Variants in XPR1 observed in about 807,000 individuals in gnomAD.
The protein encoded by XPR1 is xenotropic and polytropic retrovirus receptor 1, also known as solute carrier family 53 member 1.
Under a neutral mutation model 87.5 loss-of-function variants are expected in XPR1, and 28 were observed. The ratio of observed to expected loss-of-function variants is 0.32; its 90% CI spans 0.24 to 0.44. The LOEUF (loss-of-function observed/expected upper bound fraction) is 0.44, where lower values mean the gene tolerates loss of function less well. Among genes scored for constraint, XPR1 ranks in the 20% least tolerant of loss-of-function variants. The probability of loss-of-function intolerance (pLI) is 1.00; values close to 1 mark genes in which losing one functional copy is unlikely to be tolerated. For missense variants in XPR1, 559 were observed against 862.3 expected (o/e 0.65, Z 4.41); for synonymous variants, 300 against 306.1 (o/e 0.98, Z 0.21).
At chr1:180,878,889 A>G (rs1478747474) in intron 13 of XPR1, among the ~76,000 whole-genome samples, 2 of 152,178 alleles carry the variant, frequency 1.3e-5, no homozygotes, top group Non-Finnish European at 2.9e-5. Context: ...TCCAGGATTT[A>G]ATCTTCTGCC....
rs1653108777 is a variant in XPR1, at chr1:180,889,224, C to T, written c.*5158C>T. 2 of 152,208 alleles carry T rather than the reference C, an allele frequency of 1.3e-5. No individual in the cohort carries two copies. Among genetic ancestry groups the T allele is most frequent in the Non-Finnish European group, 1.5e-5 (1 of 68,032 alleles). 9.4% of individuals were successfully genotyped at this position (152,208 alleles called of 1,614,324 possible). On this transcript the variant is annotated 3_prime_UTR_variant, in exon 15 of 15. Transcript: ENST00000367590. ...TTTATCGTCAAATCAAAGCCACCCT[C>T]AGTTTTTTGTATGGTGCCATCAACC...
intron 1 of XPR1, among the ~76,000 whole-genome samples, chr1:180,661,295 G>T (rs369488881): frequency 1.3e-5 from 2 of 151,664 alleles, no homozygotes; most frequent in South Asian, 4.2e-4. Context: ...AAAAAACAGG[G>T]TCTTGTTTTT....
chr1:180,757,003 C>T (rs529353251), intron 2 of XPR1, among the ~76,000 whole-genome samples: 154 of 152,220 alleles, frequency 1.0e-3, no homozygotes, highest in African/African-American at 3.5e-3. Flanking sequence ...AATTCTTTTT[C>T]GTTGACCTAT....
intron 1 of XPR1, among the ~76,000 whole-genome samples, chr1:180,649,355 C>A (rs1327101552): frequency 6.6e-6 from 1 of 152,082 alleles, no homozygotes; most frequent in Non-Finnish European, 1.5e-5. Context: ...TGGCGTGAAC[C>A]CGGAGGCGGA....
At chr1:180,753,423 G>C (rs1432578139) in intron 2 of XPR1, among the ~76,000 whole-genome samples, 4 of 152,024 alleles carry the variant, frequency 2.6e-5, no homozygotes, top group Non-Finnish European at 4.4e-5. Context: ...GGGCATGGTG[G>C]TGCGCCTGTA....
chr1:180,704,411 C>T (rs981316171), intron 2 of XPR1, among the ~76,000 whole-genome samples: 7 of 151,050 alleles, frequency 4.6e-5, no homozygotes, highest in African/African-American at 7.3e-5. Context: ...TAAAGGGAAA[C>T]TTCCCTTTGT....
At chr1:180,671,690 T>A (rs552730276) in intron 1 of XPR1, among the ~76,000 whole-genome samples, 40 of 152,246 alleles carry the variant, frequency 2.6e-4, no homozygotes, top group African/African-American at 7.9e-4. Context: ...AATTTCTGTA[T>A]TTTTAGTAGA....
rs138215356 is a variant in XPR1, at chr1:180,846,018, G to A, written c.1501+9302G>A. Among the ~76,000 whole-genome samples, 166 of 152,286 alleles carry A rather than the reference G, an allele frequency of 1.1e-3. 3 individuals carry two copies. The East Asian group carries it at 0.03, about 27-fold the overall frequency. On this transcript the variant is annotated intron_variant, in intron 11 of 14. Coordinates refer to ENST00000367590, the MANE Select transcript of XPR1 (RefSeq NM_004736.4). ...CTCACGCCTGTAATCCTAGCACTTT[G>A]GGAGGCCAAGGCAGGCAGATTACCT...
At position 180,824,696 on chromosome 1, in the gene XPR1, T is replaced by C. The variant is rs927913506; in HGVS notation, c.764-57T>C. The C allele has an allele frequency of 9.1e-6, 13 of 1,424,148 alleles. No individual in the cohort carries two copies. In the African/African-American group the frequency reaches 1.7e-4, roughly 19 times the overall value. The allele number at this position is 1,424,148 out of a possible 1,614,324, so 88.2% of individuals were successfully genotyped here. A position where few individuals can be genotyped will look rare whatever the true frequency, so the allele number is the denominator to read the frequency against. ...CATTGAGAATGAAGACAAAAGATTA[T>C]TAATTCAAGGGAAGTTATGAATTTT... On this transcript the variant is annotated intron_variant, in intron 7 of 14. Coordinates refer to ENST00000367590, the MANE Select transcript of XPR1 (RefSeq NM_004736.4).
intron 3 of XPR1, among the ~76,000 whole-genome samples, chr1:180,797,969 A>G (rs146620282): frequency 1.4e-3 from 210 of 152,332 alleles, no homozygotes; most frequent in African/African-American, 4.3e-3. Context: ...AAACACATTT[A>G]CAATAGAAAT....
intron 2 of XPR1, among the ~76,000 whole-genome samples, chr1:180,726,048 G>T (rs1658326644): frequency 6.6e-6 from 1 of 152,208 alleles, no homozygotes. Context: ...GTTGAGTGGG[G>T]ACTTGGAGAA....
At chr1:180,704,278 T>TATCCAGC (rs1657474888) in intron 2 of XPR1, among the ~76,000 whole-genome samples, 7 of 31,900 alleles carry the variant, frequency 2.2e-4, no homozygotes, top group African/African-American at 6.4e-4. Context: ...ATATATATAT[T>TATCCAGC]ATCAGATTAT....
At chr1:180,839,169 T>C (rs1226617927) in intron 11 of XPR1, among the ~76,000 whole-genome samples, 1 of 152,194 alleles carries the variant, frequency 6.6e-6, no homozygotes, top group Non-Finnish European at 1.5e-5. Context: ...TTCTGAGTTA[T>C]TTGTTCAAAA....
chr1:180,669,620 C>G (rs2101929017), intron 1 of XPR1, among the ~76,000 whole-genome samples: 1 of 152,168 alleles, frequency 6.6e-6, no homozygotes, highest in South Asian at 2.1e-4. Flanking sequence ...GCTTGGCCTC[C>G]CAAAGTGCTG....
At chr1:180,819,793 G>A (rs1650547829) in intron 7 of XPR1, among the ~76,000 whole-genome samples, 1 of 152,096 alleles carries the variant, frequency 6.6e-6, no homozygotes, top group Admixed American at 6.6e-5. Context: ...CAAGGCGGGT[G>A]GATTGCCTGA....
chr1:180,833,462 A>C (rs1651150099), intron 9 of XPR1, among the ~76,000 whole-genome samples: 1 of 152,106 alleles, frequency 6.6e-6, no homozygotes, highest in East Asian at 1.9e-4. Flanking sequence ...ACATAGGCTC[A>C]AAATAAAGGG....
chr1:180,826,414 G>A (rs563325997), intron 9 of XPR1, among the ~76,000 whole-genome samples: 1 of 152,164 alleles, frequency 6.6e-6, no homozygotes, highest in East Asian at 1.9e-4. Flanking sequence ...TGGGTGTGAT[G>A]GTGCACACCT....
chr1:180,835,049 G>C lies in XPR1; in HGVS notation c.1306+4G>C. The C allele has an allele frequency of 6.2e-7, 1 of 1,613,340 alleles. No individual in the cohort carries two copies. The highest frequency in any genetic ancestry group is 1.3e-5 in the African/African-American group (1 of 75,016). ...CTGTTGCCAAATAATTCAGAAGGTA[G>C]GGTATGAATTTGCATCTATACTACT... On this transcript the variant is annotated splice_donor_region_variant and intron_variant, in intron 10 of 14. Transcript: ENST00000367590.
chr1:180,763,244 A>T (rs1287690059), intron 2 of XPR1, among the ~76,000 whole-genome samples: 4 of 152,226 alleles, frequency 2.6e-5, no homozygotes, highest in Non-Finnish European at 5.9e-5. Context: ...GAAGGTTTGC[A>T]GAAGGAGTTT....
Sources: gnomAD v4.1 joint callset for allele counts (sites outside exome capture counted in the v4.1 genomes callset) on GRCh38, gnomAD v4.1.1 for gene constraint, MANE v1.5 for transcripts, NCBI Gene and HGNC (gene_info 2026-07-23, HGNC 2026-07-21) for gene names.